SH3TC1: variants seen among roughly 807,000 people sequenced by gnomAD.
The protein encoded by SH3TC1 is SH3 domain and tetratricopeptide repeat-containing protein 1.
A neutral mutation model predicts 117.3 loss-of-function variants in SH3TC1; 135 were observed. That is an observed-to-expected ratio of 1.15 (90% CI 1.00 to 1.33). The LOEUF is 1.33. Among genes scored for constraint, SH3TC1 ranks in the 40% most tolerant of loss-of-function variants. The probability of loss-of-function intolerance (pLI) is 0.00; values close to 1 mark genes in which losing one functional copy is unlikely to be tolerated. For synonymous variants in SH3TC1, 898 were observed against 816.9 expected, an observed-to-expected ratio of 1.10 and a Z score of -1.69; for missense variants, 2,092 against 1,794.3, an observed-to-expected ratio of 1.17 and a Z score of -3.00.
chr4:8,235,319 T>C (rs1384940524), intron 14 of SH3TC1, 114 bp from the exon 15 acceptor site: 9 of 1,287,810 alleles, frequency 7.0e-6, no homozygotes, highest in Non-Finnish European at 9.1e-6. Context: ...TGAAAAAGGC[T>C]CAGTTGCACC....
chr4:8,197,794 AG>A (rs2152975662), upstream of SH3TC1, among the ~76,000 whole-genome samples: 1 of 152,216 alleles, frequency 6.6e-6, no homozygotes, highest in South Asian at 2.1e-4. Context: ...GGGCGGAGGG[AG>A]GGTGTGACTT....
chr4:8,218,446 G>A, intron 8 of SH3TC1, 99 bp downstream of exon 8: 3 of 807,852 alleles, frequency 3.7e-6, no homozygotes, highest in South Asian at 1.9e-5. Context: ...CTGAGCCAGA[G>A]AGATAGCTAT....
Position 8,212,773 on chromosome 4 carries a change from G to T in SH3TC1, c.320G>T (p.Arg107Leu), listed in dbSNP as rs184763432. The T allele has an allele frequency of 6.2e-7, 1 of 1,611,414 alleles. No individual in the cohort carries two copies. The highest frequency in any genetic ancestry group is 8.5e-7 in the Non-Finnish European group (1 of 1,179,402). ...LRDPGLQQTL[R>L]GQLRLLENDS... ...GACCCCGGCCTACAGCAGACCCTCCGGGGCCAGCTCCGCCTGCTGGAGAAT... is the reference window on the plus strand; with the variant it reads ...GACCCCGGCCTACAGCAGACCCTCCTGGGCCAGCTCCGCCTGCTGGAGAAT... Residue 107 changes from arginine to leucine, a missense_variant, in exon 4 of 18, where the codon CGG becomes CTG. Coordinates refer to ENST00000245105, the MANE Select transcript of SH3TC1 (RefSeq NM_018986.5).
At chr4:8,216,818 G>T in intron 6 of SH3TC1, 139 bp from the exon 7 acceptor site, 1 of 811,360 alleles carries the variant, frequency 1.2e-6, no homozygotes, top group Non-Finnish European at 2.0e-6. Context: ...AGCCCCTTTG[G>T]GTCTCTGTGC....
Position 8,205,295 on chromosome 4 carries a change from C to A in SH3TC1, c.101C>A (p.Thr34Asn). 5 of 1,550,480 alleles carry A rather than the reference C, an allele frequency of 3.2e-6. No individual in the cohort carries two copies. The South Asian group carries it at 4.8e-5, about 15-fold the overall frequency. Residue 34 changes from threonine (T) to asparagine (N), a missense_variant, in exon 2 of 18, where the codon ACT (threonine) becomes AAT (asparagine). Transcript: ENST00000245105. This position sits in a 1 kb window ranked among gnomAD's most constrained non-coding sequence, Gnocchi z 5.4. ...GGCAGCACCCGGGACCAGGTCCGGA[C>A]TGTGGTCATGAGGCCCTCTGTGAGC... is the stretch of plus-strand genomic sequence containing the variant. Reference protein sequence around the residue: ...GGGSTRDQVRTVVMRPSVSWE... With the variant: ...GGGSTRDQVRNVVMRPSVSWE...
chr4:8,218,175 G>A (rs1719493737), intron 7 of SH3TC1, 96 bp from the exon 8 acceptor site: 1 of 807,420 alleles, frequency 1.2e-6, no homozygotes, highest in East Asian at 2.6e-5. Context: ...ACCTGCTCAG[G>A]TTGCTGGGGG....
chr4:8,233,346 C>A lies in SH3TC1; in HGVS notation c.3132-17C>A, dbSNP rs1323096712. ...GAGGATGACAGCCCTTGTTCTGACA[C>A]CTGTGTCTGATACCAGGGCCTACAA... On this transcript the variant is annotated splice_polypyrimidine_tract_variant and intron_variant, in intron 13 of 17. Coordinates refer to ENST00000245105, the MANE Select transcript of SH3TC1 (RefSeq NM_018986.5). The A allele has an allele frequency of 6.3e-7, 1 of 1,595,380 alleles. No homozygotes were observed. Among genetic ancestry groups the A allele is most frequent in the Non-Finnish European group, 8.5e-7 (1 of 1,169,980 alleles).
intron 9 of SH3TC1, among the ~76,000 whole-genome samples, chr4:8,222,560 A>G (rs1352353263): frequency 6.6e-6 from 1 of 151,324 alleles, no homozygotes; most frequent in Non-Finnish European, 1.5e-5. Flanking sequence ...TTTTGTAGAG[A>G]TGGGGGTTTC....
intron 13 of SH3TC1, 163 bp from the exon 14 acceptor site, chr4:8,233,200 C>A: frequency 7.1e-7 from 1 of 1,407,716 alleles, no homozygotes; most frequent in Non-Finnish European, 9.2e-7. Flanking sequence ...CGTGTGTGTT[C>A]AACCCCACCC....
chr4:8,214,852 T>G (rs1333987278), intron 5 of SH3TC1, among the ~76,000 whole-genome samples: 1 of 152,086 alleles, frequency 6.6e-6, no homozygotes, highest in African/African-American at 2.4e-5. Flanking sequence ...CCCAGCTAAA[T>G]TTTTTGTATT....
chr4:8,241,086 G>GC lies in SH3TC1; in HGVS notation c.*131_*132insC, dbSNP rs771759158. On this transcript the variant is annotated 3_prime_UTR_variant, in exon 18 of 18. Coordinates refer to ENST00000245105, the MANE Select transcript of SH3TC1 (RefSeq NM_018986.5). ...GGCCAAATAGCAATAAATGGGTTTTGTTTTTTTTTTGCAATAACTTATTGA... is the reference window on the plus strand; with the variant it reads ...GGCCAAATAGCAATAAATGGGTTTTGCTTTTTTTTTTGCAATAACTTATTGA... 2 of 1,105,388 alleles carry GC rather than the reference G, an allele frequency of 1.8e-6. No individual in the cohort carries two copies. The highest frequency in any genetic ancestry group is 3.2e-5 in the African/African-American group (2 of 61,788). 68.5% of individuals were successfully genotyped at this position (1,105,388 alleles called of 1,614,324 possible).
In SH3TC1 at chr4:8,209,637, G is replaced by T. The variant is rs1411867326; in HGVS notation, c.173-111G>T. On this transcript the variant is annotated intron_variant, in intron 2 of 17. Transcript: ENST00000245105. The surrounding 1 kb of genome is among the most constrained non-coding windows in gnomAD (Gnocchi z 5.9). ...CAGCTGTGGGAAAGGCGGCTCGTGC[G>T]GGACAGAACTCACCTCTTTTCTTGC... is the stretch of plus-strand genomic sequence containing the variant. The T allele has an allele frequency of 9.0e-6, 14 of 1,549,776 alleles. No homozygotes were observed. The highest frequency in any genetic ancestry group is 9.6e-6 in the Non-Finnish European group (11 of 1,149,426).
Position 8,213,347 on chromosome 4 carries a change from G to C in SH3TC1, c.375+519G>C, listed in dbSNP as rs73798662. The stretch of plus-strand genomic sequence containing the variant: ...ACTGGGGTTGGACCAGCCTGGCCTT[G>C]GCCGGTGCCTCTTAGCCTCTGTGAA... On this transcript the variant is annotated intron_variant, in intron 4 of 17. Coordinates refer to ENST00000245105, the MANE Select transcript of SH3TC1 (RefSeq NM_018986.5). 1,373 of 156,838 alleles carry C rather than the reference G, an allele frequency of 8.8e-3. 20 individuals are homozygous for C. Among genetic ancestry groups the C allele is most frequent in the African/African-American group, 0.031 (1,308 of 41,574 alleles). 9.7% of individuals were successfully genotyped at this position (156,838 alleles called of 1,614,324 possible).
chr4:8,209,753 G>A lies in SH3TC1; in HGVS notation c.178G>A (p.Ala60Thr). The change falls in exon 3 of 18, where the codon GCT (alanine) becomes ACT (threonine). Residue 60 changes from alanine (A) to threonine (T), a missense_variant. Transcript: ENST00000245105. This position sits in a 1 kb window ranked among gnomAD's most constrained non-coding sequence, Gnocchi z 5.9. The stretch of plus-strand genomic sequence containing the variant: ...GGGAACCTGCTGTGTTGCAGACGAG[G>A]CTCCTCCTGCCCGCGTGGCTGGGCC... Reference protein sequence around the residue: ...EAKAPVRGDEAPPARVAGPAA... With the variant: ...EAKAPVRGDETPPARVAGPAA... 4 of 1,613,728 alleles carry A rather than the reference G, an allele frequency of 2.5e-6. No individual in the cohort carries two copies. The highest frequency in any genetic ancestry group is 1.7e-5 in the Admixed American group (1 of 60,002).
intron 1 of SH3TC1, among the ~76,000 whole-genome samples, chr4:8,200,668 T>C (rs1472849479): frequency 6.6e-6 from 1 of 152,206 alleles, no homozygotes; most frequent in Non-Finnish European, 1.5e-5. Flanking sequence ...TTTCCCCTGC[T>C]GCCAGAGCGC....
At position 8,227,309 on chromosome 4, in the gene SH3TC1, C is replaced by T. The variant is rs749296231; in HGVS notation, c.1615C>T (p.Leu539=). Residue 539 remains leucine, a synonymous_variant, in exon 12 of 18, where the codon CTG becomes TTG. Transcript: ENST00000245105. ...VFRSFSDEEE[L]TGRLAQARGA... The stretch of plus-strand genomic sequence containing the variant: ...CCGCAGCTTCAGCGACGAGGAGGAG[C>T]TGACTGGGCGCCTGGCACAGGCCCG... The T allele has an allele frequency of 6.2e-7, 1 of 1,610,308 alleles. No homozygotes were observed. The highest frequency in any genetic ancestry group is 8.5e-7 in the Non-Finnish European group (1 of 1,179,026).
Position 8,219,404 on chromosome 4 carries a change from G to T in SH3TC1, c.986G>T (p.Gly329Val), listed in dbSNP as rs1254429843. ...CCCGAAGAGATGACCTTCCGAGGTG[G>T]CGACCTCATCGAGATCCTTGGGGCG... is the stretch of plus-strand genomic sequence containing the variant. ...SGPEEMTFRG[G>V]DLIEILGAQV... Residue 329 changes from glycine (G) to valine (V), a missense_variant, in exon 9 of 18, where the codon GGC becomes GTC. By Grantham distance (109) the Gly-to-Val change is moderately radical. Coordinates refer to ENST00000245105, the MANE Select transcript of SH3TC1 (RefSeq NM_018986.5). 3 of 1,611,244 alleles carry T rather than the reference G, an allele frequency of 1.9e-6. No individual in the cohort carries two copies. Among genetic ancestry groups the T allele is most frequent in the Non-Finnish European group, 2.5e-6 (3 of 1,178,652 alleles).
At chr4:8,195,305 G>A (rs1359794727), upstream of SH3TC1, among the ~76,000 whole-genome samples, 1 of 152,240 alleles carries the variant, frequency 6.6e-6, no homozygotes, top group Non-Finnish European at 1.5e-5. Flanking sequence ...GAGGCCCAGA[G>A]GAGTGACAGA....
Position 8,228,231 on chromosome 4 carries a change from A to G in SH3TC1, c.2537A>G (p.Asp846Gly). ...CATGGGCAGAGCCCGGTGGCCCTGG[A>G]CATCCTGCAGTCTGTCCGGGATGCA... ...VLHGQSPVAL[D>G]ILQSVRDAVV... Residue 846 changes from aspartate to glycine, a missense_variant, in exon 12 of 18, where the codon GAC (aspartate) becomes GGC (glycine). Physicochemically the swap from Asp to Gly is moderately conservative, Grantham distance 94 (BLOSUM62 -1). Transcript: ENST00000245105. 6.2e-7 allele frequency: 1 copy of G among 1,609,650 alleles called. No individual in the cohort carries two copies. Among genetic ancestry groups the G allele is most frequent in the Non-Finnish European group, 8.5e-7 (1 of 1,177,748 alleles).
Sources: gnomAD v4.1 joint callset for allele counts (sites outside exome capture counted in the v4.1 genomes callset) on GRCh38, gnomAD v4.1.1 for gene constraint, Gnocchi (gnomAD v3.1) non-coding constraint, MANE v1.5 for transcripts, NCBI Gene and HGNC (gene_info 2026-07-23, HGNC 2026-07-21) for gene names.